The following ZNF790 variants were observed in gnomAD, a reference collection of about 807,000 sequenced individuals.
The protein encoded by ZNF790 is zinc finger protein 790.
Under a neutral mutation model 12.1 loss-of-function variants are expected in ZNF790, and 8 were observed. The ratio of observed to expected loss-of-function variants is 0.66; its 90% CI spans 0.39 to 1.19. ZNF790 has a LOEUF of 1.19. ZNF790 is among the 50% of genes most tolerant of loss of function. The pLI is 0.01. For synonymous variants in ZNF790, 252 were observed against 244.3 expected (o/e 1.03, Z -0.29); for missense variants, 707 against 752.2 (o/e 0.94, Z 0.70).
At chr19:36,844,150 T>C (rs1475647981) in intron 1 of ZNF790, among the ~76,000 whole-genome samples, 1 of 151,062 alleles carries the variant, frequency 6.6e-6, no homozygotes, top group Non-Finnish European at 1.5e-5. Flanking sequence ...AAACCTCACC[T>C]CTATAAAAAA....
rs895070404 is a variant in ZNF790 at position 36,823,522 on chromosome 19, A to G, written c.134-142T>C. On this transcript the variant is annotated intron_variant, in intron 3 of 4. Transcript: ENST00000356725. ...AACTATGGGAAAGATGGAAGTGCCCACTGATGATAACTATTGCCAGATTTA... is the reference window on the plus strand; with the variant it reads ...AACTATGGGAAAGATGGAAGTGCCCGCTGATGATAACTATTGCCAGATTTA... 5.2e-5 allele frequency: 65 copies of G among 1,249,390 alleles called. 2 individuals carry two copies. The highest frequency in any genetic ancestry group is 4.0e-4 in the South Asian group (29 of 73,130). 77.4% of individuals were successfully genotyped at this position (1,249,390 alleles called of 1,614,324 possible).
Position 36,818,856 on chromosome 19 carries a change from G to C in ZNF790, c.1488C>G (p.His496Gln), listed in dbSNP as rs144986787. 6.8e-6 allele frequency: 11 copies of C among 1,612,866 alleles called. No individual in the cohort carries two copies. Among genetic ancestry groups the C allele is most frequent in the Non-Finnish European group, 9.3e-6 (11 of 1,179,642 alleles). ...TFFRGSELNR[H>Q]QKIHTGKRPY... ...GCCTCTTTCCAGTATGAATTTTCTG[G>C]TGTCGATTAAGTTCTGAACCACGAA... The change falls in exon 5 of 5, where the codon CAC becomes CAG. Residue 496 changes from histidine to glutamine, a missense_variant. Transcript: ENST00000356725.
At chr19:36,831,074 G>A (rs1429077163) in intron 1 of ZNF790, among the ~76,000 whole-genome samples, 1 of 152,058 alleles carries the variant, frequency 6.6e-6, no homozygotes, top group African/African-American at 2.4e-5. Context: ...GGGAGGCAGA[G>A]GTTCCAGTGA....
chr19:36,828,830 A>G (rs1018876876), intron 1 of ZNF790, among the ~76,000 whole-genome samples: 17 of 152,238 alleles, frequency 1.1e-4, no homozygotes, highest in African/African-American at 3.9e-4. Context: ...ATGTAGACAG[A>G]AACAAGAAAA....
intron 1 of ZNF790, among the ~76,000 whole-genome samples, chr19:36,836,079 A>C (rs1024283666): frequency 1.3e-5 from 2 of 151,984 alleles, no homozygotes; most frequent in African/African-American, 2.4e-5. Flanking sequence ...TTCTATCTTA[A>C]GCTTCCTTCT....
intron 1 of ZNF790, among the ~76,000 whole-genome samples, chr19:36,832,667 C>G (rs2071965697): frequency 6.6e-6 from 1 of 152,074 alleles, no homozygotes; most frequent in Admixed American, 6.6e-5. Flanking sequence ...CCAGAACTTC[C>G]CAGCTAAGCC....
intron 3 of ZNF790, 138 bp from the exon 4 acceptor site, chr19:36,823,518 GC>G: frequency 1.6e-6 from 2 of 1,234,872 alleles, no homozygotes; most frequent in South Asian, 1.4e-5. Context: ...AGATGGAAGT[GC>G]CCACTGATGA....
At chr19:36,833,810 GATAA>G (rs1401749523) in intron 1 of ZNF790, among the ~76,000 whole-genome samples, 2 of 152,146 alleles carry the variant, frequency 1.3e-5, no homozygotes, top group African/African-American at 4.8e-5. Flanking sequence ...ACATGTGACA[GATAA>G]ATATAGATGA....
intron 1 of ZNF790, among the ~76,000 whole-genome samples, chr19:36,836,416 C>T (rs1345912807): frequency 6.6e-6 from 1 of 151,962 alleles, no homozygotes; most frequent in African/African-American, 2.4e-5. Context: ...GATTGCAGTG[C>T]ATTGTGGGCC....
At chr19:36,824,355 G>A (rs902872919) in intron 2 of ZNF790, among the ~76,000 whole-genome samples, 6 of 151,850 alleles carry the variant, frequency 4.0e-5, no homozygotes, top group South Asian at 2.1e-4. Context: ...CACCCAGACC[G>A]GAGTGCAGTG....
Position 36,819,317 on chromosome 19 carries a change from A to C in ZNF790, c.1027T>G (p.Cys343Gly). 1 of 1,610,352 alleles carries C rather than the reference A, an allele frequency of 6.2e-7. No individual in the cohort carries two copies. The highest frequency in any genetic ancestry group is 8.5e-7 in the Non-Finnish European group (1 of 1,177,922). ...TGEKPYECKE[C>G]GKAFTRGSHL... The stretch of plus-strand genomic sequence containing the variant: ...GATCCACGAGTAAAAGCTTTCCCAC[A>C]CTCCTTACATTCATAAGGTTTTTCA... Residue 343 changes from cysteine (C) to glycine (G), a missense_variant, in exon 5 of 5, where the codon TGT becomes GGT. Coordinates refer to ENST00000356725, the MANE Select transcript of ZNF790 (RefSeq NM_206894.4).
In ZNF790 at chr19:36,838,101, TGC is replaced by T. The variant is rs3833258; in HGVS notation, c.-74+234_-74+235del. 89,261 of 150,594 alleles carry T rather than the reference TGC, an allele frequency of 0.59. 26,766 individuals carry two copies. Among genetic ancestry groups the T allele is most frequent in the African/African-American group, 0.68 (28,050 of 40,964 alleles). The allele number at this position is 150,594 out of a possible 1,614,324, so 9.3% of individuals were successfully genotyped here. A position where few individuals can be genotyped will look rare whatever the true frequency, so the allele number is the denominator to read the frequency against. ...AGCGCCTGTCAACGTCGTGTGCGCG[TGC>T]GCGCACACACACACACACACACACA... On this transcript the variant is annotated intron_variant, in intron 1 of 4. Coordinates refer to ENST00000356725, the MANE Select transcript of ZNF790 (RefSeq NM_206894.4). This position sits in a 1 kb window ranked among gnomAD's most constrained non-coding sequence, Gnocchi z 4.4.
At chr19:36,827,177 T>TATATATATATATATATAC (rs1387560651) in intron 1 of ZNF790, among the ~76,000 whole-genome samples, 1 of 121,226 alleles carries the variant, frequency 8.2e-6, no homozygotes. Flanking sequence ...TATATATATA[T>TATATATATATATATATAC]ACACTTACCA....
At position 36,836,940 on chromosome 19, in the gene ZNF790, T is replaced by C. The variant is rs550215605; in HGVS notation, c.-74+1397A>G. On this transcript the variant is annotated intron_variant, in intron 1 of 4. Transcript: ENST00000356725. ...ATCAGACACTGATCTTGCAAGACCA[T>C]CATTAAAAGTCTCACTTTTGCTGTT... Among the ~76,000 whole-genome samples the C allele has an allele frequency of 2.6e-5, 4 of 152,242 alleles. No individual in the cohort carries two copies. The South Asian group carries it at 8.3e-4, about 32-fold the overall frequency.
intron 1 of ZNF790, among the ~76,000 whole-genome samples, chr19:36,833,964 T>A (rs1376561727): frequency 6.6e-6 from 1 of 152,062 alleles, no homozygotes; most frequent in African/African-American, 2.4e-5. Context: ...GTGAATGGGC[T>A]GGTCATGGTG....
At chr19:36,831,705 G>A (rs1431998959) in intron 1 of ZNF790, among the ~76,000 whole-genome samples, 1 of 152,164 alleles carries the variant, frequency 6.6e-6, no homozygotes, top group African/African-American at 2.4e-5. Context: ...GCAAAACGCA[G>A]AGCACCTAAA....
At chr19:36,831,646 GAAAC>G (rs1183545950) in intron 1 of ZNF790, among the ~76,000 whole-genome samples, 2 of 151,934 alleles carry the variant, frequency 1.3e-5, no homozygotes, top group African/African-American at 2.4e-5. Flanking sequence ...ATTTAACAAA[GAAAC>G]AAAAATCATT....
intron 2 of ZNF790, 141 bp downstream of exon 2, chr19:36,825,470 A>G: frequency 4.4e-6 from 4 of 912,286 alleles, no homozygotes; most frequent in Non-Finnish European, 7.2e-6. Flanking sequence ...ATATCTAGGG[A>G]AAGCATTGGA....
chr19:36,826,508 A>C (rs533436391), intron 1 of ZNF790, among the ~76,000 whole-genome samples: 54 of 151,170 alleles, frequency 3.6e-4, no homozygotes, highest in Non-Finnish European at 7.1e-4. Context: ...GCTTGAACCC[A>C]GGAGTTGGAG....
Sources: allele counts gnomAD v4.1 joint callset (sites outside exome capture counted in the v4.1 genomes callset), GRCh38; gene constraint gnomAD v4.1.1; non-coding constraint Gnocchi (gnomAD v3.1); transcripts MANE v1.5; gene names NCBI Gene and HGNC (gene_info 2026-07-23, HGNC 2026-07-21).